The following PXDNL variants were observed in gnomAD, a reference collection of about 807,000 sequenced individuals.
PXDNL encodes probable oxidoreductase PXDNL.
A neutral mutation model predicts 150.8 loss-of-function variants in PXDNL; 145 were observed. The ratio of observed to expected loss-of-function variants is 0.96; its 90% confidence interval spans 0.84 to 1.10. The LOEUF (loss-of-function observed/expected upper bound fraction) is 1.10, where lower values mean the gene tolerates loss of function less well. PXDNL is among the 50% of genes least tolerant of loss of function. PXDNL has a pLI of 0.00. For missense variants in PXDNL, 2,087 were observed against 1,873.9 expected, an observed-to-expected ratio of 1.11 and a Z score of -2.10; for synonymous variants, 757 against 725.7, an observed-to-expected ratio of 1.04 and a Z score of -0.69.
chr8:51,755,467 G>T (rs956490689), intron 1 of PXDNL, among the ~76,000 whole-genome samples: 1 of 151,868 alleles, frequency 6.6e-6, no homozygotes, highest in Admixed American at 6.6e-5. Flanking sequence ...ACTAATTTTT[G>T]TATTTTTAGT....
intron 1 of PXDNL, among the ~76,000 whole-genome samples, chr8:51,762,112 C>T (rs1215315462): frequency 2.6e-5 from 4 of 152,156 alleles, no homozygotes; most frequent in Non-Finnish European, 5.9e-5. Flanking sequence ...GAAATGAGGA[C>T]TAGAGCTCTG....
intron 19 of PXDNL, among the ~76,000 whole-genome samples, chr8:51,368,552 TAA>T (rs1806989441): frequency 1.3e-5 from 2 of 151,924 alleles, no homozygotes; most frequent in African/African-American, 4.8e-5. Context: ...CTGTTGAAAA[TAA>T]AATTATTCTT....
intron 5 of PXDNL, among the ~76,000 whole-genome samples, chr8:51,489,849 T>C (rs754274530): frequency 6.6e-6 from 1 of 152,174 alleles, no homozygotes; most frequent in African/African-American, 2.4e-5. Flanking sequence ...AGCCTTTTCA[T>C]AGCAAGTTCT....
intron 4 of PXDNL, among the ~76,000 whole-genome samples, chr8:51,544,496 T>A (rs1433468799): frequency 1.1e-4 from 16 of 152,344 alleles, no homozygotes. Flanking sequence ...GTTTATTCTA[T>A]GACATTGTTG....
At chr8:51,359,818 C>T (rs1026980964) in intron 19 of PXDNL, among the ~76,000 whole-genome samples, 1 of 152,124 alleles carries the variant, frequency 6.6e-6, no homozygotes. Context: ...TGGCACCTAT[C>T]GCACCTATCC....
intron 9 of PXDNL, among the ~76,000 whole-genome samples, chr8:51,456,050 C>G (rs7009150): frequency 0.034 from 5,211 of 152,340 alleles, 274 homozygotes; most frequent in African/African-American, 0.12. Context: ...CCACCACCAA[C>G]TCTCTTCTGC....
At chr8:51,412,906 A>G (rs1365100422) in intron 15 of PXDNL, among the ~76,000 whole-genome samples, 1 of 152,176 alleles carries the variant, frequency 6.6e-6, no homozygotes, top group East Asian at 1.9e-4. Flanking sequence ...CCTAGTGTCT[A>G]TTGTCAGCCT....
intron 8 of PXDNL, among the ~76,000 whole-genome samples, chr8:51,471,421 A>T (rs1810330125): frequency 6.6e-6 from 1 of 152,204 alleles, no homozygotes. Context: ...GCATAAAATA[A>T]ATGACTAGCC....
chr8:51,635,976 A>G (rs973483729), intron 2 of PXDNL, among the ~76,000 whole-genome samples: 3 of 152,116 alleles, frequency 2.0e-5, no homozygotes, highest in East Asian at 3.8e-4. Flanking sequence ...AAAATTGAAT[A>G]AAAAACATAA....
At chr8:51,448,108 G>T (rs1265579436) in intron 11 of PXDNL, among the ~76,000 whole-genome samples, 1 of 152,222 alleles carries the variant, frequency 6.6e-6, no homozygotes, top group African/African-American at 2.4e-5. Context: ...TGTAGATTTT[G>T]AATTTTATTT....
At chr8:51,494,551 C>A (rs1157330360) in intron 5 of PXDNL, among the ~76,000 whole-genome samples, 1 of 152,074 alleles carries the variant, frequency 6.6e-6, no homozygotes, top group Non-Finnish European at 1.5e-5. Flanking sequence ...CGTGCAGAGA[C>A]ACACATAGGC....
intron 6 of PXDNL, among the ~76,000 whole-genome samples, chr8:51,477,553 T>C (rs7013608): frequency 0.023 from 3,512 of 152,344 alleles, 122 homozygotes; most frequent in African/African-American, 0.08. Flanking sequence ...TTCAACAGTA[T>C]TGTGTTCGAA....
At chr8:51,595,239 C>T (rs1489767414) in intron 2 of PXDNL, among the ~76,000 whole-genome samples, 10 of 151,972 alleles carry the variant, frequency 6.6e-5, no homozygotes, top group Admixed American at 6.6e-4. Flanking sequence ...CCAGAGTATG[C>T]CCATATACAC....
chr8:51,604,474 G>C (rs1365373163), intron 2 of PXDNL, among the ~76,000 whole-genome samples: 1 of 152,130 alleles, frequency 6.6e-6, no homozygotes, highest in Non-Finnish European at 1.5e-5. Flanking sequence ...ACAGGAAGGG[G>C]AACATCACAC....
intron 1 of PXDNL, among the ~76,000 whole-genome samples, chr8:51,690,701 G>A (rs1340944708): frequency 1.3e-5 from 2 of 151,830 alleles, no homozygotes; most frequent in Non-Finnish European, 2.9e-5. Flanking sequence ...GGGATGGCTG[G>A]GTCAAATGGT....
intron 4 of PXDNL, among the ~76,000 whole-genome samples, chr8:51,516,251 A>G (rs1811535967): frequency 6.6e-6 from 1 of 152,230 alleles, no homozygotes; most frequent in African/African-American, 2.4e-5. Flanking sequence ...CAATTTATGT[A>G]AAATATGCAT....
intron 1 of PXDNL, among the ~76,000 whole-genome samples, chr8:51,761,155 G>C (rs1193270321): frequency 6.6e-6 from 1 of 151,236 alleles, no homozygotes; most frequent in Non-Finnish European, 1.5e-5. Context: ...TTACAGGCGT[G>C]AGCCACCGCG....
chr8:51,425,022 G>A (rs1809054125), intron 13 of PXDNL, among the ~76,000 whole-genome samples: 1 of 152,190 alleles, frequency 6.6e-6, no homozygotes, highest in South Asian at 2.1e-4. Context: ...AGGTCACAGG[G>A]CCTAGTAGGT....
At chr8:51,499,975 G>C (rs930361561) in intron 4 of PXDNL, among the ~76,000 whole-genome samples, 35 of 151,996 alleles carry the variant, frequency 2.3e-4, no homozygotes, top group African/African-American at 8.2e-4. Context: ...GTTCCAAAGG[G>C]GAATCCAAAG....
Sources: gnomAD v4.1 joint callset for allele counts (sites outside exome capture counted in the v4.1 genomes callset) on GRCh38, gnomAD v4.1.1 for gene constraint, MANE v1.5 for transcripts, NCBI Gene and HGNC (gene_info 2026-07-23, HGNC 2026-07-21) for gene names.